SLC24A2: variants seen among roughly 807,000 people sequenced by gnomAD.
The protein encoded by SLC24A2 is sodium/potassium/calcium exchanger 2.
In SLC24A2, 36 loss-of-function variants were observed where a neutral mutation model predicts 62.0. The ratio of observed to expected loss-of-function variants is 0.58; its 90% CI spans 0.44 to 0.77. SLC24A2 has a LOEUF of 0.77. SLC24A2 is among the 30% of genes least tolerant of loss of function. The pLI is 0.00. For synonymous variants in SLC24A2, 358 were observed against 294.0 expected (o/e 1.22, Z -2.23); for missense variants, 846 against 817.9 (o/e 1.03, Z -0.42).
chr9:19,669,377 A>G (rs1819348361), intron 2 of SLC24A2, among the ~76,000 whole-genome samples: 2 of 152,204 alleles, frequency 1.3e-5, no homozygotes, highest in African/African-American at 4.8e-5. Context: ...CGGCCCTAAA[A>G]TGCACTGGGT....
At chr9:20,299,175 G>T in the SLC24A2 span, among the ~76,000 whole-genome samples, 2 of 152,284 alleles carry the variant, frequency 1.3e-5, no homozygotes, top group African/African-American at 4.8e-5. Flanking sequence ...GCCCATTAAA[G>T]GAATAATAAA....
chr9:20,257,115 T>C, the SLC24A2 span, among the ~76,000 whole-genome samples: 5 of 152,182 alleles, frequency 3.3e-5, no homozygotes, highest in Admixed American at 6.5e-5. Context: ...TGTTTTTAAA[T>C]TGGTTGTGGG....
At chr9:19,769,873 G>A (rs916302688) in intron 2 of SLC24A2, among the ~76,000 whole-genome samples, 13 of 152,006 alleles carry the variant, frequency 8.6e-5, no homozygotes, top group East Asian at 2.0e-4. Context: ...TCTGTGGGGG[G>A]TTGCCTGTTC....
At chr9:19,789,838 C>T (rs1466872717), upstream of SLC24A2, among the ~76,000 whole-genome samples, 1 of 152,182 alleles carries the variant, frequency 6.6e-6, no homozygotes, top group Non-Finnish European at 1.5e-5. Flanking sequence ...TCGTGAAGCT[C>T]TGAAAGCTTT....
rs983454182 is a variant in SLC24A2 at position 19,510,082 on chromosome 9, G to C, written c.*6071C>G. The C allele has an allele frequency of 6.6e-6, 1 of 152,130 alleles. No individual in the cohort carries two copies. Among genetic ancestry groups the C allele is most frequent in the Admixed American group, 6.5e-5 (1 of 15,272 alleles). The allele number at this position is 152,130 out of a possible 1,614,324, so 9.4% of individuals were successfully genotyped here. On this transcript the variant is annotated 3_prime_UTR_variant, in exon 11 of 11. Transcript: ENST00000341998. ...GCCCAGAGTTTTGGAGTAATCTAAA[G>C]TGGTGTCTCCCCAATTTTGAGTTCT...
rs550034887 is a variant in SLC24A2, at chr9:19,761,686, G to A, written c.930+24251C>T. ...GTGATGCTCCCCTTCCTATGTCCAC[G>A]TGTTCTCATTGTTCAATTCCCACCT... On this transcript the variant is annotated intron_variant, in intron 2 of 10. Transcript: ENST00000341998. 1.9e-4 allele frequency among the ~76,000 whole-genome samples: 29 copies of A among 150,956 alleles called. 1 individual carries two copies. In the East Asian group the frequency reaches 4.3e-3, roughly 22 times the overall value.
At chr9:19,579,900 G>A (rs556538285) in intron 5 of SLC24A2, among the ~76,000 whole-genome samples, 1 of 152,236 alleles carries the variant, frequency 6.6e-6, no homozygotes, top group South Asian at 2.1e-4. Context: ...GAATAGTGTT[G>A]GCCACTGGCA....
At chr9:19,746,757 A>G (rs925481821) in intron 2 of SLC24A2, among the ~76,000 whole-genome samples, 1 of 152,152 alleles carries the variant, frequency 6.6e-6, no homozygotes, top group Non-Finnish European at 1.5e-5. Flanking sequence ...ATTTCTGACA[A>G]ATAACATTTA....
chr9:19,844,495 C>G, the SLC24A2 span, among the ~76,000 whole-genome samples: 39 of 152,128 alleles, frequency 2.6e-4, no homozygotes, highest in East Asian at 7.5e-3. Flanking sequence ...GTTTCTTTTG[C>G]TGTGCAGAAG....
chr9:20,096,918 A>T, the SLC24A2 span, among the ~76,000 whole-genome samples: 599 of 149,806 alleles, frequency 4.0e-3, 5 homozygotes, highest in African/African-American at 0.014. Flanking sequence ...CTTTTTCCCA[A>T]ATCTACACTT....
chr9:19,994,533 C>G, the SLC24A2 span, among the ~76,000 whole-genome samples: 1 of 152,146 alleles, frequency 6.6e-6, no homozygotes, highest in East Asian at 1.9e-4. Context: ...AGTAGTTTAA[C>G]AAGTCATGCC....
chr9:19,541,296 TTC>T (rs1316693145), intron 8 of SLC24A2, among the ~76,000 whole-genome samples: 82 of 150,298 alleles, frequency 5.5e-4, no homozygotes, highest in African/African-American at 1.8e-3. Flanking sequence ...TTTTTAGAGT[TTC>T]CAGTTTTTCT....
chr9:20,307,393 T>G, the SLC24A2 span, among the ~76,000 whole-genome samples: 1 of 152,242 alleles, frequency 6.6e-6, no homozygotes, highest in Non-Finnish European at 1.5e-5. Flanking sequence ...TATTCCCTAA[T>G]GCTGCGACTT....
chr9:19,742,793 C>T (rs1436118240), intron 2 of SLC24A2, among the ~76,000 whole-genome samples: 2 of 152,230 alleles, frequency 1.3e-5, no homozygotes, highest in East Asian at 1.9e-4. Flanking sequence ...TACACCTGTC[C>T]TCAGGAATGT....
the SLC24A2 span, among the ~76,000 whole-genome samples, chr9:20,296,409 G>T: frequency 1.3e-5 from 2 of 152,150 alleles, no homozygotes. Context: ...AAGACTTTTA[G>T]AGAGCTCTAA....
At chr9:19,973,216 C>A in the SLC24A2 span, among the ~76,000 whole-genome samples, 1 of 152,146 alleles carries the variant, frequency 6.6e-6, no homozygotes, top group Admixed American at 6.5e-5. Context: ...TACCAGTGTT[C>A]TTGTGTAGCA....
chr9:19,937,263 A>G, the SLC24A2 span, among the ~76,000 whole-genome samples: 1 of 152,230 alleles, frequency 6.6e-6, no homozygotes, highest in African/African-American at 2.4e-5. Flanking sequence ...AAATATCAGA[A>G]TGAAATTTCT....
At chr9:20,051,559 A>T in the SLC24A2 span, among the ~76,000 whole-genome samples, 9 of 152,048 alleles carry the variant, frequency 5.9e-5, no homozygotes, top group African/African-American at 1.7e-4. Context: ...TCAAGCATAC[A>T]TTGAAATTTA....
the SLC24A2 span, among the ~76,000 whole-genome samples, chr9:19,993,344 G>C: frequency 6.6e-6 from 1 of 152,120 alleles, no homozygotes; most frequent in Non-Finnish European, 1.5e-5. Context: ...TTTAGCTTTT[G>C]TCCAAAGAAT....
Sources: allele counts gnomAD v4.1 joint callset (sites outside exome capture counted in the v4.1 genomes callset), GRCh38; gene constraint gnomAD v4.1.1; transcripts MANE v1.5; gene names NCBI Gene and HGNC (gene_info 2026-07-23, HGNC 2026-07-21).